The following ACSM2B variants were observed in gnomAD, a reference collection of about 807,000 sequenced individuals.
ACSM2B encodes acyl-coenzyme A synthetase ACSM2B, mitochondrial.
A neutral mutation model predicts 78.6 loss-of-function variants in ACSM2B; 58 were observed. The ratio of observed to expected loss-of-function variants is 0.74; its 90% confidence interval spans 0.60 to 0.92. The LOEUF is 0.92. Among genes scored for constraint, ACSM2B ranks in the 40% least tolerant of loss-of-function variants. The probability of loss-of-function intolerance (pLI) is 0.00; values close to 1 mark genes in which losing one functional copy is unlikely to be tolerated. For synonymous variants in ACSM2B, 257 were observed against 256.8 expected, an observed-to-expected ratio of 1.00 and a Z score of -0.01; for missense variants, 688 against 711.2, an observed-to-expected ratio of 0.97 and a Z score of 0.37.
chr16:20,545,328 G>C, intron 9 of ACSM2B, 70 bp from the exon 10 acceptor site: 1 of 1,540,768 alleles, frequency 6.5e-7, no homozygotes, highest in Non-Finnish European at 8.8e-7. Context: ...GCAGGAGATT[G>C]CTGAGTTGGT....
At chr16:20,557,294 CTCTT>C (rs1379332318) in intron 3 of ACSM2B, among the ~76,000 whole-genome samples, 1 of 152,174 alleles carries the variant, frequency 6.6e-6, no homozygotes, top group African/African-American at 2.4e-5. Context: ...ATACCCATAC[CTCTT>C]TCTATATCTG....
chr16:20,557,478 C>T (rs929494001), intron 3 of ACSM2B, among the ~76,000 whole-genome samples: 3 of 152,154 alleles, frequency 2.0e-5, no homozygotes, highest in East Asian at 1.9e-4. Context: ...CATCACTAAC[C>T]GTTCACCTCT....
At chr16:20,551,078 G>A (rs190608137) in intron 6 of ACSM2B, among the ~76,000 whole-genome samples, 167 of 152,222 alleles carry the variant, frequency 1.1e-3, no homozygotes, top group South Asian at 0.01. Flanking sequence ...AGTAAAAGAA[G>A]CCAAATGAAA....
chr16:20,563,061 C>A (rs540216407), intron 2 of ACSM2B, among the ~76,000 whole-genome samples: 1 of 152,134 alleles, frequency 6.6e-6, no homozygotes, highest in South Asian at 2.1e-4. Flanking sequence ...TCTTTGAAAA[C>A]CCTAGTCTCT....
At chr16:20,571,035 T>C (rs2016080155) in intron 1 of ACSM2B, among the ~76,000 whole-genome samples, 1 of 151,940 alleles carries the variant, frequency 6.6e-6, no homozygotes, top group African/African-American at 2.4e-5. Context: ...TTTTGTTTCA[T>C]TTATCTTTTG....
rs1322754567 is a variant in ACSM2B at position 20,536,398 on chromosome 16, A to C, written c.*860T>G. 2 of 152,168 alleles carry C rather than the reference A, an allele frequency of 1.3e-5. No individual in the cohort carries two copies. The highest frequency in any genetic ancestry group is 6.5e-5 in the Admixed American group (1 of 15,270). 9.4% of individuals were successfully genotyped at this position (152,168 alleles called of 1,614,324 possible). ...GATCTAAGGTCTGTAGATGCCACACACAGGTGAAACAATGTGGTATTTATA... is the reference window on the plus strand; with the variant it reads ...GATCTAAGGTCTGTAGATGCCACACCCAGGTGAAACAATGTGGTATTTATA... On this transcript the variant is annotated 3_prime_UTR_variant, in exon 14 of 14. Coordinates refer to ENST00000329697, the MANE Select transcript of ACSM2B (RefSeq NM_001105069.2).
chr16:20,536,467 ATGG>A lies in ACSM2B; in HGVS notation c.*788_*790del, dbSNP rs2014847343. ...CTGGCACATGGCAAATGCTTAATAAATGGTGGTTCCCCTCTGACCCTGACAGTT... is the reference window on the plus strand; with the variant it reads ...CTGGCACATGGCAAATGCTTAATAAATGGTTCCCCTCTGACCCTGACAGTT... On this transcript the variant is annotated 3_prime_UTR_variant, in exon 14 of 14. Coordinates refer to ENST00000329697, the MANE Select transcript of ACSM2B (RefSeq NM_001105069.2). 6.6e-6 allele frequency: 1 copy of A among 152,134 alleles called. No homozygotes were observed. Among genetic ancestry groups the A allele is most frequent in the Non-Finnish European group, 1.5e-5 (1 of 68,030 alleles). The allele number at this position is 152,134 out of a possible 1,614,324, so 9.4% of individuals were successfully genotyped here.
intron 2 of ACSM2B, among the ~76,000 whole-genome samples, 157 bp from the exon 3 acceptor site, chr16:20,559,604 T>A (rs1193406926): frequency 6.6e-6 from 1 of 151,066 alleles, no homozygotes; most frequent in Non-Finnish European, 1.5e-5. Flanking sequence ...TAAAGAGTTG[T>A]TATTTATATG....
intron 2 of ACSM2B, among the ~76,000 whole-genome samples, chr16:20,562,050 C>T (rs1393971742): frequency 6.6e-6 from 1 of 151,880 alleles, no homozygotes; most frequent in Non-Finnish European, 1.5e-5. Flanking sequence ...GCTGTTTGAC[C>T]TTCCAACTAC....
At chr16:20,566,550 T>A (rs1477298509) in intron 1 of ACSM2B, among the ~76,000 whole-genome samples, 1 of 103,966 alleles carries the variant, frequency 9.6e-6, no homozygotes, top group Non-Finnish European at 1.8e-5. Flanking sequence ...TATAACTATA[T>A]ACTATATATA....
chr16:20,545,598 TCTG>T (rs1214122053), intron 9 of ACSM2B, among the ~76,000 whole-genome samples: 3 of 152,188 alleles, frequency 2.0e-5, no homozygotes, highest in Non-Finnish European at 4.4e-5. Context: ...TCAAATTTAC[TCTG>T]CTACCTTACT....
Position 20,537,258 on chromosome 16 carries a change from T to C in ACSM2B, c.1734A>G (p.Ter578TrpextTer3), listed in dbSNP as rs200061179. 2.5e-6 allele frequency: 4 copies of C among 1,614,022 alleles called. No individual in the cohort carries two copies. Among genetic ancestry groups the C allele is most frequent in the Middle Eastern group, 1.7e-4 (1 of 6,060 alleles). Residue 578 changes from the stop codon to tryptophan (W), a stop_lost, in exon 14 of 14, where the codon TGA (stop) becomes TGG (tryptophan). Coordinates refer to ENST00000329697, the MANE Select transcript of ACSM2B (RefSeq NM_001105069.2). ...WKMSGKARAQ[*>W] ...TCCAAATGAATGTCTCCTAGACGCC[T>C]CACTGCGCACGGGCTTTTCCGGACA...
rs1005782104 is a variant in ACSM2B at position 20,566,936 on chromosome 16, C to T, written c.-8-2083G>A. On this transcript the variant is annotated intron_variant, in intron 1 of 13. Transcript: ENST00000329697. Reference sequence around the variant, plus strand: ...TATAGTTATATATATCTGTACATACCATACTATTATATATCATATATATTA... The same window carrying T: ...TATAGTTATATATATCTGTACATACTATACTATTATATATCATATATATTA... 1.5e-4 allele frequency among the ~76,000 whole-genome samples: 17 copies of T among 112,608 alleles called. No homozygotes were observed. In the East Asian group the frequency reaches 2.9e-3, roughly 19 times the overall value. 73.9% of individuals were successfully genotyped at this position (112,608 alleles called of 152,430 possible). A position where few individuals can be genotyped will look rare whatever the true frequency, so the allele number is the denominator to read the frequency against.
intron 3 of ACSM2B, among the ~76,000 whole-genome samples, chr16:20,557,405 TC>T (rs139948294): frequency 0.11 from 16,544 of 150,916 alleles, 1,851 homozygotes; most frequent in African/African-American, 0.28. Context: ...TGTTATTAGT[TC>T]CCCCCCAATT....
At chr16:20,571,349 T>C (rs1235285910) in intron 1 of ACSM2B, among the ~76,000 whole-genome samples, 1 of 152,000 alleles carries the variant, frequency 6.6e-6, no homozygotes, top group Admixed American at 6.6e-5. Context: ...CAGGAACAGG[T>C]TATTTAATTT....
chr16:20,550,308 T>C (rs1416843399), intron 6 of ACSM2B, among the ~76,000 whole-genome samples: 1 of 152,192 alleles, frequency 6.6e-6, no homozygotes, highest in Admixed American at 6.5e-5. Context: ...TCAAATGTGC[T>C]TGATACACAG....
At chr16:20,563,592 T>C (rs2015732815) in intron 2 of ACSM2B, among the ~76,000 whole-genome samples, 4 of 151,542 alleles carry the variant, frequency 2.6e-5, no homozygotes, top group Admixed American at 2.6e-4. Context: ...AGTATAACTT[T>C]AAAAAAATCC....
chr16:20,549,768 A>G (rs758441006), intron 6 of ACSM2B: 3 of 450,886 alleles, frequency 6.7e-6, no homozygotes, highest in South Asian at 3.1e-5. Flanking sequence ...CACATTTAAA[A>G]AATACATTGG....
At chr16:20,551,167 G>A (rs1348463810) in intron 6 of ACSM2B, among the ~76,000 whole-genome samples, 2 of 152,114 alleles carry the variant, frequency 1.3e-5, no homozygotes, top group Non-Finnish European at 2.9e-5. Context: ...GATATCAAAC[G>A]AAGGATTAAC....
Sources: gnomAD v4.1 joint callset for allele counts (sites outside exome capture counted in the v4.1 genomes callset) on GRCh38, gnomAD v4.1.1 for gene constraint, MANE v1.5 for transcripts, NCBI Gene and HGNC (gene_info 2026-07-23, HGNC 2026-07-21) for gene names.